Variants in ATP8A1 observed in about 807,000 individuals in gnomAD.
ATP8A1 encodes phospholipid-transporting ATPase IA.
A neutral mutation model predicts 177.7 loss-of-function variants in ATP8A1; 90 were observed. The observed-to-expected ratio is 0.51, with a 90% CI of 0.43 to 0.60. ATP8A1 has a LOEUF of 0.60. Ranked by LOEUF, ATP8A1 falls within the 20% of genes least tolerant of loss-of-function variation. ATP8A1 has a pLI of 0.00. For synonymous variants in ATP8A1, 493 were observed against 485.9 expected (o/e 1.01, Z -0.19); for missense variants, 1,072 against 1,392.8 (o/e 0.77, Z 3.67).
At chr4:42,575,733 C>A in intron 12 of ATP8A1, 34 bp from the exon 13 acceptor site, 1 of 1,552,840 alleles carries the variant, frequency 6.4e-7, no homozygotes, top group Non-Finnish European at 8.9e-7. Context: ...TTGAACACAA[C>A]TGGTAATAAG....
At chr4:42,553,777 G>A (rs967782966) in intron 16 of ATP8A1, among the ~76,000 whole-genome samples, 20 of 152,112 alleles carry the variant, frequency 1.3e-4, no homozygotes, top group Admixed American at 1.2e-3. Flanking sequence ...AAATATACAC[G>A]TATTGTTTAC....
At chr4:42,488,246 C>A (rs905727272) in intron 24 of ATP8A1, among the ~76,000 whole-genome samples, 1 of 152,162 alleles carries the variant, frequency 6.6e-6, no homozygotes, top group Non-Finnish European at 1.5e-5. Context: ...TTAACACTTG[C>A]TACCATCCTG....
rs1718073857 is a variant in ATP8A1, at chr4:42,452,817, T to A, written c.2818-758A>T. Among the ~76,000 whole-genome samples, 3 of 152,246 alleles carry A rather than the reference T, an allele frequency of 2.0e-5. No individual in the cohort carries two copies. The South Asian group carries it at 6.2e-4, about 32-fold the overall frequency. On this transcript the variant is annotated intron_variant, in intron 29 of 36. Transcript: ENST00000381668. Reference sequence around the variant, plus strand: ...TGGCCCCTCTGAACAGTTGTAGTTTTGTCATTTAAAAGTGCTTCTTGCAAA... The same window carrying A: ...TGGCCCCTCTGAACAGTTGTAGTTTAGTCATTTAAAAGTGCTTCTTGCAAA...
chr4:42,420,623 G>A (rs4455453), intron 35 of ATP8A1, among the ~76,000 whole-genome samples: 18,647 of 152,112 alleles, frequency 0.12, 1,221 homozygotes, highest in Middle Eastern at 0.19. Flanking sequence ...GACAAACTAA[G>A]TATCACGTGG....
chr4:42,624,540 T>A lies in ATP8A1; in HGVS notation c.359A>T (p.Asp120Val). 7.0e-7 allele frequency: 1 copy of A among 1,430,720 alleles called. No homozygotes were observed. Among genetic ancestry groups the A allele is most frequent in the East Asian group, 2.5e-5 (1 of 40,156 alleles). The allele number at this position is 1,430,720 out of a possible 1,614,324, so 88.6% of individuals were successfully genotyped here. A position where few individuals can be genotyped will look rare whatever the true frequency, so the allele number is the denominator to read the frequency against. Reference protein sequence around the residue: ...AVAAIKEIIEDIKRHKADNAV... With the variant: ...AVAAIKEIIEVIKRHKADNAV... ...ATGAAAAAATAGAATACTTACAATA[T>A]CTTCTATTATCTCTTTGATAGCTGC... The change falls in exon 4 of 37, where the codon GAT becomes GTT. Residue 120 changes from aspartate to valine, a missense_variant. Asp to Val is a radical substitution (Grantham distance 152). Around this residue, in one of 5 missense-constraint regions of ATP8A1, gnomAD observed 344 missense variants for 393.5 expected, o/e 0.87. Transcript: ENST00000381668.
intron 22 of ATP8A1, among the ~76,000 whole-genome samples, chr4:42,515,217 C>T (rs775280363): frequency 6.6e-6 from 1 of 152,120 alleles, no homozygotes; most frequent in Admixed American, 6.5e-5. Context: ...GCAAATAGAA[C>T]AGGAAACTAC....
At chr4:42,642,975 G>C (rs1207727022) in intron 1 of ATP8A1, among the ~76,000 whole-genome samples, 1 of 152,158 alleles carries the variant, frequency 6.6e-6, no homozygotes, top group Non-Finnish European at 1.5e-5. Flanking sequence ...AAAAACATTT[G>C]CTTAGCACCT....
chr4:42,590,963 A>G, intron 6 of ATP8A1, 79 bp from the exon 7 acceptor site: 7 of 1,251,136 alleles, frequency 5.6e-6, no homozygotes, highest in Admixed American at 2.1e-5. Context: ...AAATGGACAA[A>G]AGAGACAGAA....
chr4:42,606,028 T>A (rs12508659), intron 5 of ATP8A1, among the ~76,000 whole-genome samples: 13,948 of 152,250 alleles, frequency 0.092, 775 homozygotes, highest in African/African-American at 0.15. Flanking sequence ...AACATGGACA[T>A]TCTTGTTTTT....
intron 1 of ATP8A1, among the ~76,000 whole-genome samples, chr4:42,645,789 T>A (rs904271585): frequency 6.6e-6 from 1 of 152,206 alleles, no homozygotes; most frequent in African/African-American, 2.4e-5. Flanking sequence ...TTGACTTAAG[T>A]CCATCTGAGA....
intron 20 of ATP8A1, among the ~76,000 whole-genome samples, chr4:42,533,742 A>G (rs1727504133): frequency 6.6e-6 from 1 of 152,142 alleles, no homozygotes; most frequent in Non-Finnish European, 1.5e-5. Flanking sequence ...TAACAAAAAT[A>G]CAACCAAGGA....
chr4:42,442,744 G>C (rs1200593559), intron 33 of ATP8A1, among the ~76,000 whole-genome samples: 3 of 152,148 alleles, frequency 2.0e-5, no homozygotes, highest in Non-Finnish European at 4.4e-5. Context: ...CAGTACTTAG[G>C]GGCAACAAAT....
intron 1 of ATP8A1, among the ~76,000 whole-genome samples, chr4:42,630,773 A>G (rs1303896025): frequency 6.6e-6 from 1 of 152,114 alleles, no homozygotes; most frequent in African/African-American, 2.4e-5. Flanking sequence ...ATGGGTTTGA[A>G]CTCCGTATTA....
At chr4:42,515,940 A>C (rs1725484830) in intron 22 of ATP8A1, among the ~76,000 whole-genome samples, 1 of 152,198 alleles carries the variant, frequency 6.6e-6, no homozygotes. Flanking sequence ...TTCTTTTCTA[A>C]CATACCCCTA....
At chr4:42,511,838 G>A (rs1369312361) in intron 22 of ATP8A1, among the ~76,000 whole-genome samples, 1 of 151,644 alleles carries the variant, frequency 6.6e-6, no homozygotes, top group Non-Finnish European at 1.5e-5. Flanking sequence ...TTTAAAGTTT[G>A]TGATATGCTT....
At position 42,567,395 on chromosome 4, in the gene ATP8A1, C is replaced by A. The variant is rs146332886; in HGVS notation, c.1340+1766G>T. On this transcript the variant is annotated intron_variant, in intron 15 of 36. Coordinates refer to ENST00000381668, the MANE Select transcript of ATP8A1 (RefSeq NM_006095.2). ...CTCTGCTAAAAATACAAACATTAGC[C>A]AGGTGTGGTGGTGCATGCCTGTAGT... 1.3e-3 allele frequency among the ~76,000 whole-genome samples: 201 copies of A among 152,152 alleles called. 1 individual carries two copies. Among genetic ancestry groups the A allele is most frequent in the African/African-American group, 4.6e-3 (192 of 41,504 alleles).
At chr4:42,425,838 G>T (rs183992341) in intron 33 of ATP8A1, among the ~76,000 whole-genome samples, 64 of 152,206 alleles carry the variant, frequency 4.2e-4, no homozygotes, top group African/African-American at 1.4e-3. Context: ...GGCCCCCACT[G>T]CCCCTTCTCA....
chr4:42,602,791 AAAATAAAT>A (rs140631699), intron 5 of ATP8A1, among the ~76,000 whole-genome samples: 6 of 151,014 alleles, frequency 4.0e-5, no homozygotes, highest in African/African-American at 1.5e-4. Context: ...AAATAAAATT[AAAATAAAT>A]AAATAAATAA....
At chr4:42,593,948 G>C (rs914562004) in intron 6 of ATP8A1, among the ~76,000 whole-genome samples, 4 of 151,758 alleles carry the variant, frequency 2.6e-5, no homozygotes, top group African/African-American at 9.7e-5. Context: ...AGGACTGAAA[G>C]ATAAAAAATA....
Sources: gnomAD v4.1 joint callset for allele counts (sites outside exome capture counted in the v4.1 genomes callset) on GRCh38, gnomAD v4.1.1 for gene constraint, gnomAD v4.1.1 regional missense constraint, MANE v1.5 for transcripts, NCBI Gene and HGNC (gene_info 2026-07-23, HGNC 2026-07-21) for gene names.